Variants in HYCC2 observed in about 807,000 individuals in gnomAD.
The protein encoded by HYCC2 is hyccin PI4KA lipid kinase complex subunit 2.
the HYCC2 span, chr2:201,022,030 A>T: frequency 7.9e-7 from 1 of 1,271,202 alleles, no homozygotes; most frequent in Non-Finnish European, 1.0e-6. Context: ...ATGCACTTTA[A>T]GTTAAGCTGC....
At chr2:200,994,857 C>G in the HYCC2 span, among the ~76,000 whole-genome samples, 1 of 151,948 alleles carries the variant, frequency 6.6e-6, no homozygotes, top group East Asian at 1.9e-4. Context: ...AAAAATTAGC[C>G]AAGTATGGTG....
chr2:200,992,175 A>G, the HYCC2 span: 5 of 744,640 alleles, frequency 6.7e-6, no homozygotes, highest in Admixed American at 2.4e-5. Context: ...AACTGTTATC[A>G]TGGAATACAA....
At chr2:201,035,032 A>G in the HYCC2 span, among the ~76,000 whole-genome samples, 3 of 152,088 alleles carry the variant, frequency 2.0e-5, no homozygotes, top group Non-Finnish European at 2.9e-5. Flanking sequence ...GCTGTCCTTC[A>G]CATTTTTTCC....
chr2:201,034,794 C>T, the HYCC2 span, among the ~76,000 whole-genome samples: 594 of 152,310 alleles, frequency 3.9e-3, 5 homozygotes, highest in Middle Eastern at 0.027. Flanking sequence ...TCTTTTAGGG[C>T]AGGCCTGGTG....
the HYCC2 span, among the ~76,000 whole-genome samples, chr2:201,042,145 A>G: frequency 6.6e-6 from 1 of 152,140 alleles, no homozygotes; most frequent in African/African-American, 2.4e-5. Flanking sequence ...TTTGGTGGAG[A>G]CAGGGTTTCG....
At chr2:200,992,775 C>T in the HYCC2 span, 11 of 714,322 alleles carry the variant, frequency 1.5e-5, no homozygotes, top group Non-Finnish European at 1.2e-5. Context: ...ACAAGATAAG[C>T]CCATCATGGA....
the HYCC2 span, among the ~76,000 whole-genome samples, chr2:201,060,873 A>G: frequency 6.6e-6 from 1 of 152,154 alleles, no homozygotes; most frequent in Non-Finnish European, 1.5e-5. Flanking sequence ...CTGAAAAAAG[A>G]GATTCTACTC....
the HYCC2 span, among the ~76,000 whole-genome samples, chr2:201,067,520 C>G: frequency 6.6e-6 from 1 of 152,088 alleles, no homozygotes; most frequent in Non-Finnish European, 1.5e-5. Flanking sequence ...AGTTTTTATG[C>G]TTTTCTCTAA....
chr2:201,041,696 C>T, the HYCC2 span, among the ~76,000 whole-genome samples: 2 of 152,122 alleles, frequency 1.3e-5, no homozygotes, highest in Admixed American at 6.5e-5. Flanking sequence ...TCCAAGAGAA[C>T]AGGGTACATT....
chr2:200,997,975 G>A, the HYCC2 span, among the ~76,000 whole-genome samples: 3 of 152,196 alleles, frequency 2.0e-5, no homozygotes, highest in African/African-American at 7.2e-5. Context: ...GGCGGAGGTT[G>A]CAGTGAGCCG....
chr2:200,992,638 G>T, the HYCC2 span, among the ~76,000 whole-genome samples: 1 of 152,268 alleles, frequency 6.6e-6, no homozygotes, highest in African/African-American at 2.4e-5. Context: ...GAAAACCTGG[G>T]TTATGAACTA....
At chr2:201,027,803 T>C in the HYCC2 span, among the ~76,000 whole-genome samples, 1 of 152,164 alleles carries the variant, frequency 6.6e-6, no homozygotes, top group African/African-American at 2.4e-5. Flanking sequence ...TAGGTATTGA[T>C]GGAACATAAC....
At chr2:201,026,727 G>C in the HYCC2 span, among the ~76,000 whole-genome samples, 1 of 152,022 alleles carries the variant, frequency 6.6e-6, no homozygotes, top group Non-Finnish European at 1.5e-5. Flanking sequence ...GGGTAAATAA[G>C]GAAATGAAGG....
the HYCC2 span, among the ~76,000 whole-genome samples, chr2:201,055,985 G>A: frequency 3.3e-5 from 5 of 152,054 alleles, no homozygotes; most frequent in East Asian, 1.9e-4. Flanking sequence ...TCAGGAGATC[G>A]AGACCATCCT....
the HYCC2 span, among the ~76,000 whole-genome samples, chr2:201,049,513 T>C: frequency 7.5e-6 from 1 of 133,810 alleles, no homozygotes; most frequent in African/African-American, 2.7e-5. Flanking sequence ...ACCACCCCGG[T>C]TTTTTTTTTT....
chr2:201,034,863 C>T, the HYCC2 span, among the ~76,000 whole-genome samples: 1 of 152,176 alleles, frequency 6.6e-6, no homozygotes, highest in Admixed American at 6.5e-5. Context: ...ACTTATGAAG[C>T]TTAGTTTGGC....
chr2:200,981,167 A>T, the HYCC2 span: 1 of 1,358,298 alleles, frequency 7.4e-7, no homozygotes, highest in Non-Finnish European at 1.0e-6. This position sits in a 1 kb window ranked among gnomAD's most constrained non-coding sequence, Gnocchi z 4.5. Context: ...ATGAAATCTG[A>T]TAACAGTGAC....
At chr2:200,984,855 C>G in the HYCC2 span, among the ~76,000 whole-genome samples, 3 of 152,190 alleles carry the variant, frequency 2.0e-5, no homozygotes, top group African/African-American at 7.2e-5. Context: ...AGGCTGGCTG[C>G]AGTGGGTCAC....
At chr2:201,054,507 T>C in the HYCC2 span, among the ~76,000 whole-genome samples, 1 of 152,164 alleles carries the variant, frequency 6.6e-6, no homozygotes, top group African/African-American at 2.4e-5. Context: ...GTTCCAGACT[T>C]ACCTTCTACA....
Sources: gnomAD v4.1 joint callset for allele counts (sites outside exome capture counted in the v4.1 genomes callset) on GRCh38, gnomAD v4.1.1 for gene constraint, Gnocchi (gnomAD v3.1) non-coding constraint, MANE v1.5 for transcripts, NCBI Gene and HGNC (gene_info 2026-07-23, HGNC 2026-07-21) for gene names.